The following GSE1 variants were observed in gnomAD, a reference collection of about 807,000 sequenced individuals.
GSE1 encodes Gse1 coiled-coil protein, also known as genetic suppressor element 1.
Under a neutral mutation model 112.6 loss-of-function variants are expected in GSE1, and 32 were observed. The observed-to-expected ratio is 0.28, with a 90% CI of 0.21 to 0.38. The LOEUF (loss-of-function observed/expected upper bound fraction) is 0.38. Among genes scored for constraint, GSE1 ranks in the 10% least tolerant of loss-of-function variants. GSE1 has a pLI of 1.00. For missense variants in GSE1, 2,348 were observed against 1,699.2 expected, an observed-to-expected ratio of 1.38 and a Z score of -6.71; for synonymous variants, 1,115 against 735.6, an observed-to-expected ratio of 1.52 and a Z score of -8.35.
chr16:85,237,216 G>A (rs934354728), intron 1 of GSE1, among the ~76,000 whole-genome samples: 2 of 152,158 alleles, frequency 1.3e-5, no homozygotes, highest in African/African-American at 4.8e-5. Flanking sequence ...CCAGCTACTC[G>A]GGAGGCTGAG....
At position 85,656,404 on chromosome 16, in the gene GSE1, C is replaced by T. The variant is rs199961563; in HGVS notation, c.1051C>T (p.Arg351Cys). Residue 351 changes from arginine to cysteine, a missense_variant, in exon 7 of 16, where the codon CGT becomes TGT. Arg to Cys is a radical substitution (Grantham distance 180). Transcript: ENST00000253458. The part of the protein sequence containing the change: ...RERERERERE[R>C]EADREREKER... ...GCGCGAGCGCGAGCGCGAGCGTGAG[C>T]GTGAGGCTGACCGCGAGCGGGAGAA... 1.0e-5 allele frequency: 16 copies of T among 1,540,138 alleles called. No homozygotes were observed. The highest frequency in any genetic ancestry group is 6.9e-5 in the South Asian group (6 of 87,406).
At chr16:85,326,244 C>T (rs2046226478) in intron 1 of GSE1, among the ~76,000 whole-genome samples, 1 of 152,086 alleles carries the variant, frequency 6.6e-6, no homozygotes, top group South Asian at 2.1e-4. Context: ...ATGAGGAGGA[C>T]TCTGAGCCAC....
chr16:85,231,368 GGATA>G (rs925520900), intron 1 of GSE1, among the ~76,000 whole-genome samples: 15 of 147,838 alleles, frequency 1.0e-4, no homozygotes, highest in East Asian at 2.1e-4. Context: ...ATGGACAGAA[GGATA>G]GATGGATGGA....
At chr16:85,616,560 C>G (rs1567656746) in intron 1 of GSE1, among the ~76,000 whole-genome samples, 1 of 152,248 alleles carries the variant, frequency 6.6e-6, no homozygotes, top group East Asian at 1.9e-4. Flanking sequence ...GCAGGGTCCT[C>G]TGAAACCACA....
At chr16:85,303,319 C>T (rs75815004) in intron 1 of GSE1, among the ~76,000 whole-genome samples, 7,241 of 152,322 alleles carry the variant, frequency 0.048, 208 homozygotes, top group Middle Eastern at 0.068. Context: ...GGTCAGGGCA[C>T]ACCCTGGAAG....
At chr16:85,543,001 GT>G (rs1230957117) in intron 2 of GSE1, among the ~76,000 whole-genome samples, 1 of 152,180 alleles carries the variant, frequency 6.6e-6, no homozygotes, top group Non-Finnish European at 1.5e-5. Flanking sequence ...GCCAAGGTGG[GT>G]AGATCATGAG....
chr16:85,454,859 A>G (rs1289018298), intron 2 of GSE1, among the ~76,000 whole-genome samples: 1 of 152,166 alleles, frequency 6.6e-6, no homozygotes, highest in Non-Finnish European at 1.5e-5. Flanking sequence ...ACCCTAATCT[A>G]GGATGAGCTC....
At chr16:85,317,449 G>A (rs2046009456) in intron 1 of GSE1, among the ~76,000 whole-genome samples, 1 of 152,134 alleles carries the variant, frequency 6.6e-6, no homozygotes, top group South Asian at 2.1e-4. Context: ...CCCAGGAAGT[G>A]AGGACAACCC....
intron 1 of GSE1, among the ~76,000 whole-genome samples, chr16:85,295,014 G>T (rs1409261811): frequency 1.3e-5 from 2 of 151,870 alleles, no homozygotes; most frequent in African/African-American, 2.4e-5. Context: ...GCCTCCCAAG[G>T]TTCTAGGATT....
chr16:85,613,496 A>G (rs1450153117), intron 1 of GSE1, 98 bp downstream of exon 1: 2 of 1,150,998 alleles, frequency 1.7e-6, no homozygotes, highest in East Asian at 3.0e-5. Flanking sequence ...GCGGCCGCCA[A>G]CGGCTCCCGG....
chr16:85,342,074 G>A (rs2046635729), intron 1 of GSE1, among the ~76,000 whole-genome samples: 1 of 151,932 alleles, frequency 6.6e-6, no homozygotes, highest in Non-Finnish European at 1.5e-5. Flanking sequence ...GGGCCCGGTG[G>A]CCAGCCCTCC....
chr16:85,657,702 GCGT>G, intron 8 of GSE1, 98 bp downstream of exon 8: 1 of 766,190 alleles, frequency 1.3e-6, no homozygotes, highest in Non-Finnish European at 2.0e-6. Context: ...TCCTGCCCCA[GCGT>G]TTCTGCCTGC....
rs573564078 is a variant in GSE1, at chr16:85,238,687, G to A, written c.2283+66880G>A. Among the ~76,000 whole-genome samples, 19 of 152,284 alleles carry A rather than the reference G, an allele frequency of 1.2e-4. No individual in the cohort carries two copies. The South Asian group carries it at 3.7e-3, about 30-fold the overall frequency. On this transcript the variant is annotated intron_variant, in intron 1 of 2. Coordinates refer to the GSE1 transcript ENST00000637419. ...AGGCGGCTTGCCGCAGGATCTCCCT[G>A]CTGTAGCCAGCCCTTGGGGCGCTCA...
intron 2 of GSE1, among the ~76,000 whole-genome samples, chr16:85,466,443 T>C (rs1227700609): frequency 6.6e-6 from 1 of 152,158 alleles, no homozygotes; most frequent in Admixed American, 6.5e-5. Flanking sequence ...GCCCCTGAGA[T>C]TCCATGGCCT....
chr16:85,260,319 C>CTTT (rs111292010), intron 1 of GSE1, among the ~76,000 whole-genome samples: 7,447 of 94,770 alleles, frequency 0.079, 600 homozygotes, highest in African/African-American at 0.15. Flanking sequence ...TTTTTCTTTT[C>CTTT]TTTTTTTTTT....
intron 2 of GSE1, among the ~76,000 whole-genome samples, chr16:85,385,717 G>A (rs920942056): frequency 2.0e-5 from 3 of 152,254 alleles, no homozygotes; most frequent in African/African-American, 7.2e-5. Flanking sequence ...TCGCGAGGCA[G>A]CCGGCCATCC....
At chr16:85,667,399 C>T (rs2052956065) in intron 13 of GSE1, among the ~76,000 whole-genome samples, 1 of 152,238 alleles carries the variant, frequency 6.6e-6, no homozygotes, top group African/African-American at 2.4e-5. Flanking sequence ...GGATGTCACC[C>T]ACCAGGCCAC....
chr16:85,324,335 C>A lies in GSE1; in HGVS notation c.2284-33128C>A, dbSNP rs548869536. Among the ~76,000 whole-genome samples the A allele has an allele frequency of 5.3e-5, 8 of 152,172 alleles. No homozygotes were observed. In the South Asian group the frequency reaches 1.7e-3, roughly 32 times the overall value. On this transcript the variant is annotated intron_variant, in intron 1 of 2. Coordinates refer to the GSE1 transcript ENST00000637419. Reference sequence around the variant, plus strand: ...GACCAGCCTGGCCAACATGGCGAAACCCCGTCTCTACTAAAAATACAAAAA... The same window carrying A: ...GACCAGCCTGGCCAACATGGCGAAAACCCGTCTCTACTAAAAATACAAAAA...
chr16:85,430,324 A>G (rs2049089940), intron 2 of GSE1, among the ~76,000 whole-genome samples: 1 of 152,194 alleles, frequency 6.6e-6, no homozygotes, highest in Non-Finnish European at 1.5e-5. Flanking sequence ...CAGCCATGAT[A>G]ATGGCCGGAC....
Sources: gnomAD v4.1 joint callset for allele counts (sites outside exome capture counted in the v4.1 genomes callset) on GRCh38, gnomAD v4.1.1 for gene constraint, MANE v1.5 for transcripts, NCBI Gene and HGNC (gene_info 2026-07-23, HGNC 2026-07-21) for gene names.